The following ZNF329 variants were observed in gnomAD, a reference collection of about 807,000 sequenced individuals.
ZNF329 encodes the protein zinc finger protein 329.
In ZNF329, 15 loss-of-function variants were observed where a neutral mutation model predicts 26.6. The ratio of observed to expected loss-of-function variants is 0.56; its 90% CI spans 0.38 to 0.87. ZNF329 has a LOEUF of 0.87. ZNF329 is among the 40% of genes least tolerant of loss of function. The pLI is 0.00. For missense variants in ZNF329, 651 were observed against 651.9 expected (o/e 1.00, Z 0.02); for synonymous variants, 239 against 233.5 (o/e 1.02, Z -0.21).
chr19:58,146,927 T>C (rs78968038), intron 1 of ZNF329, among the ~76,000 whole-genome samples: 31,689 of 151,996 alleles, frequency 0.21, 3,677 homozygotes, highest in Non-Finnish European at 0.27. Context: ...GCCACCTGCC[T>C]TGGCCTCCCA....
chr19:58,135,055 G>T (rs755727767), intron 3 of ZNF329, among the ~76,000 whole-genome samples: 17 of 151,096 alleles, frequency 1.1e-4, no homozygotes, highest in East Asian at 1.9e-4. Context: ...GTTTTTTGAG[G>T]TTTTTTTTTC....
chr19:58,143,846 C>T (rs538860292), intron 1 of ZNF329, among the ~76,000 whole-genome samples: 1 of 152,068 alleles, frequency 6.6e-6, no homozygotes, highest in African/African-American at 2.4e-5. Flanking sequence ...TTTGGGAGGC[C>T]GAGGCAAGTG....
chr19:58,147,600 G>T (rs1420338062), intron 1 of ZNF329, among the ~76,000 whole-genome samples: 3 of 139,648 alleles, frequency 2.1e-5, no homozygotes, highest in Non-Finnish European at 4.6e-5. Flanking sequence ...GAGGTGGGGG[G>T]GTCAGCCCTC....
At chr19:58,145,353 AC>A (rs1476024121) in intron 1 of ZNF329, among the ~76,000 whole-genome samples, 1 of 106,986 alleles carries the variant, frequency 9.3e-6, no homozygotes, top group Non-Finnish European at 1.8e-5. Flanking sequence ...ACAGTGCCTC[AC>A]TCTGTCACCC....
chr19:58,137,508 C>T (rs2075097091), intron 3 of ZNF329, among the ~76,000 whole-genome samples: 1 of 151,724 alleles, frequency 6.6e-6, no homozygotes, highest in Non-Finnish European at 1.5e-5. Context: ...GAGCCGAGAT[C>T]GTGCCACTGC....
chr19:58,127,868 C>G lies in ZNF329; in HGVS notation c.*10G>C. ...AGAGTGAACTGGAAGACTCATGTGG[C>G]CCCCAACCATTATGTTTCCATGGGT... is the stretch of plus-strand genomic sequence containing the variant. On this transcript the variant is annotated 3_prime_UTR_variant, in exon 4 of 4. Coordinates refer to ENST00000598312, the MANE Select transcript of ZNF329 (RefSeq NM_024620.4). 3.2e-6 allele frequency: 5 copies of G among 1,567,554 alleles called. No individual in the cohort carries two copies. Among genetic ancestry groups the G allele is most frequent in the Non-Finnish European group, 4.3e-6 (5 of 1,155,996 alleles).
At chr19:58,136,092 A>G (rs1011257228) in intron 3 of ZNF329, among the ~76,000 whole-genome samples, 5 of 151,926 alleles carry the variant, frequency 3.3e-5, no homozygotes, top group African/African-American at 1.2e-4. Context: ...TTAGCCAGGC[A>G]TGGTGGCGCA....
At chr19:58,133,028 G>A (rs1028235561) in intron 3 of ZNF329, among the ~76,000 whole-genome samples, 4 of 152,132 alleles carry the variant, frequency 2.6e-5, no homozygotes, top group Admixed American at 1.3e-4. Flanking sequence ...TAGCCAGGAT[G>A]GTCTCGAGCT....
rs1245177120 is a variant in ZNF329 at position 58,128,152 on chromosome 19, C to T, written c.1352G>A (p.Gly451Asp). The T allele has an allele frequency of 3.1e-6, 5 of 1,587,964 alleles. No individual in the cohort carries two copies. The East Asian group carries it at 6.7e-5, about 21-fold the overall frequency. The change falls in exon 4 of 4, where the codon GGT becomes GAT. Residue 451 changes from glycine to aspartate, a missense_variant. Gly to Asp is a moderately conservative substitution (Grantham distance 94). Coordinates refer to ENST00000598312, the MANE Select transcript of ZNF329 (RefSeq NM_024620.4). ...CTGATTACACTCATAGGGCTTCTCA[C>T]CAGTATGAGTCCTCTGGTGCCTAAT... ...GLIRHQRTHT[G>D]EKPYECNQCG... is the part of the protein sequence containing the mutation.
At chr19:58,143,852 A>T (rs1568671494) in intron 1 of ZNF329, among the ~76,000 whole-genome samples, 1 of 152,044 alleles carries the variant, frequency 6.6e-6, no homozygotes, top group African/African-American at 2.4e-5. Flanking sequence ...AGGCCGAGGC[A>T]AGTGGATCAC....
intron 1 of ZNF329, among the ~76,000 whole-genome samples, chr19:58,146,428 C>T (rs981055870): frequency 2.0e-5 from 3 of 151,876 alleles, no homozygotes; most frequent in Non-Finnish European, 4.4e-5. Context: ...GAGCCGAGAT[C>T]GCTCCACTGC....
chr19:58,148,964 A>C lies in ZNF329; in HGVS notation c.-208+1788T>G, dbSNP rs796885205. On this transcript the variant is annotated intron_variant, in intron 1 of 3. Transcript: ENST00000598312. ...GGGGACTGGGTAAAATAAGGCTGAA[A>C]CCTACTGGGCTGCATTTCCAGACAG... is the stretch of plus-strand genomic sequence containing the variant. Among the ~76,000 whole-genome samples the C allele has an allele frequency of 8.5e-5, 13 of 152,306 alleles. 1 individual carries two copies. Among genetic ancestry groups the C allele is most frequent in the African/African-American group, 3.1e-4 (13 of 41,570 alleles).
chr19:58,152,363 C>A (rs1386066940), upstream of ZNF329, among the ~76,000 whole-genome samples: 1 of 149,774 alleles, frequency 6.7e-6, no homozygotes, highest in African/African-American at 2.5e-5. Context: ...AACCCCATCT[C>A]TAAAAATATA....
upstream of ZNF329, among the ~76,000 whole-genome samples, chr19:58,152,468 T>C (rs1304377527): frequency 1.3e-5 from 2 of 149,092 alleles, no homozygotes; most frequent in Non-Finnish European, 3.0e-5. Context: ...AACAAAAGTA[T>C]AGCAATTCCA....
intron 3 of ZNF329, among the ~76,000 whole-genome samples, chr19:58,131,410 TAAAAACA>T (rs1031768362): frequency 4.0e-5 from 6 of 151,690 alleles, no homozygotes; most frequent in Admixed American, 3.9e-4. Flanking sequence ...GACCATGTCT[TAAAAACA>T]AAAAACAAAA....
upstream of ZNF329, among the ~76,000 whole-genome samples, chr19:58,153,492 C>T (rs1217988322): frequency 6.6e-6 from 1 of 152,144 alleles, no homozygotes; most frequent in Non-Finnish European, 1.5e-5. Context: ...GCTTTGCAGA[C>T]CATAAGGTCT....
In ZNF329 at chr19:58,126,409, T is replaced by C. The variant is rs2074802495; in HGVS notation, c.*1469A>G. ...ATCCATATGTGCACATATTTTTACA[T>C]GGCTGGAATAATAGTAAATCTTCTA... On this transcript the variant is annotated 3_prime_UTR_variant, in exon 4 of 4. Transcript: ENST00000598312. The C allele has an allele frequency of 6.6e-6, 1 of 152,246 alleles. No individual in the cohort carries two copies. The highest frequency in any genetic ancestry group is 2.1e-4 in the South Asian group (1 of 4,838). 9.4% of individuals were successfully genotyped at this position (152,246 alleles called of 1,614,324 possible). A position where few individuals can be genotyped will look rare whatever the true frequency, so the allele number is the denominator to read the frequency against.
At chr19:58,139,109 G>A (rs531666239) in intron 3 of ZNF329, among the ~76,000 whole-genome samples, 1 of 152,002 alleles carries the variant, frequency 6.6e-6, no homozygotes, top group Admixed American at 6.6e-5. Flanking sequence ...ACCAACCAAG[G>A]CTGTGATTAC....
In ZNF329 at chr19:58,133,187, T is replaced by A. The variant is rs140135087; in HGVS notation, c.-8-3676A>T. ...ACGAAAATTATTACAATAGATCACT[T>A]AATAGAAAAACTGGAAACCCAAAGG... is the stretch of plus-strand genomic sequence containing the variant. On this transcript the variant is annotated intron_variant, in intron 3 of 3. Transcript: ENST00000598312. 8.5e-5 allele frequency among the ~76,000 whole-genome samples: 13 copies of A among 152,232 alleles called. No homozygotes were observed. The East Asian group carries it at 2.5e-3, about 29-fold the overall frequency.
Sources: allele counts gnomAD v4.1 joint callset (sites outside exome capture counted in the v4.1 genomes callset), GRCh38; gene constraint gnomAD v4.1.1; transcripts MANE v1.5; gene names NCBI Gene and HGNC (gene_info 2026-07-23, HGNC 2026-07-21).